The following DPYD variants were observed in gnomAD, a reference collection of about 807,000 sequenced individuals.
The protein encoded by DPYD is dihydropyrimidine dehydrogenase [NADP(+)].
DPYD carries 109 observed loss-of-function variants against 116.2 expected under a neutral mutation model. That is an observed-to-expected ratio of 0.94 (90% confidence interval 0.80 to 1.10). The LOEUF (loss-of-function observed/expected upper bound fraction) is 1.10, where lower values mean the gene tolerates loss of function less well. Ranked by LOEUF, DPYD falls within the 50% of genes least tolerant of loss-of-function variation. DPYD has a pLI of 0.00. For missense variants in DPYD, 1,302 were observed against 1,254.5 expected, an observed-to-expected ratio of 1.04 and a Z score of -0.57; for synonymous variants, 440 against 432.0, an observed-to-expected ratio of 1.02 and a Z score of -0.23.
intron 13 of DPYD, among the ~76,000 whole-genome samples, chr1:97,500,092 T>C (rs1204726539): frequency 2.0e-5 from 3 of 151,996 alleles, no homozygotes; most frequent in Non-Finnish European, 4.4e-5. Flanking sequence ...CATAGGTGAC[T>C]TATTGAAATG....
At chr1:97,893,787 G>T (rs996448920) in intron 1 of DPYD, among the ~76,000 whole-genome samples, 1 of 151,422 alleles carries the variant, frequency 6.6e-6, no homozygotes, top group Non-Finnish European at 1.5e-5. Context: ...GAAGCTCTTC[G>T]TCTGTCTTTG....
At position 97,184,224 on chromosome 1, in the gene DPYD, C is replaced by T. The variant is rs183551645; in HGVS notation, c.2622+8845G>A. On this transcript the variant is annotated intron_variant, in intron 20 of 22. Transcript: ENST00000370192. Reference sequence around the variant, plus strand: ...CTATTGTGAATAGTGCTGCAATAAACATATGTGTTCATGTGTCTTCATGGT... The same window carrying T: ...CTATTGTGAATAGTGCTGCAATAAATATATGTGTTCATGTGTCTTCATGGT... 1.3e-4 allele frequency among the ~76,000 whole-genome samples: 20 copies of T among 152,230 alleles called. No homozygotes were observed. In the East Asian group the frequency reaches 3.7e-3, roughly 28 times the overall value.
intron 3 of DPYD, among the ~76,000 whole-genome samples, chr1:97,750,787 G>C (rs1457643900): frequency 1.3e-5 from 2 of 152,170 alleles, no homozygotes; most frequent in Admixed American, 6.5e-5. Context: ...AACAAGGATT[G>C]AAAGTGTAGT....
chr1:97,459,582 C>T (rs1234198846), intron 13 of DPYD, among the ~76,000 whole-genome samples: 1 of 152,042 alleles, frequency 6.6e-6, no homozygotes, highest in Admixed American at 6.6e-5. Flanking sequence ...CACTTCTTGG[C>T]AGTACCAATG....
At chr1:97,237,374 GTC>G (rs1462067378) in intron 18 of DPYD, among the ~76,000 whole-genome samples, 1 of 150,764 alleles carries the variant, frequency 6.6e-6, no homozygotes, top group African/African-American at 2.4e-5. Context: ...TTGTGGAAAT[GTC>G]TACTTGTGGC....
intron 4 of DPYD, among the ~76,000 whole-genome samples, chr1:97,722,758 T>A (rs2101028739): frequency 6.6e-6 from 1 of 151,636 alleles, no homozygotes; most frequent in Admixed American, 6.6e-5. Flanking sequence ...ATTTACTATT[T>A]ATTGACTCTT....
chr1:97,183,359 C>A (rs934204036), intron 20 of DPYD, among the ~76,000 whole-genome samples: 1 of 151,938 alleles, frequency 6.6e-6, no homozygotes, highest in African/African-American at 2.4e-5. Context: ...GTTGAAAGGG[C>A]TTTCTTTTCT....
At chr1:97,764,753 A>G (rs1475594105) in intron 3 of DPYD, among the ~76,000 whole-genome samples, 2 of 152,102 alleles carry the variant, frequency 1.3e-5, no homozygotes, top group Non-Finnish European at 2.9e-5. Context: ...TATTTTACGT[A>G]CCATATTTGT....
At chr1:97,287,291 T>G (rs61786318) in intron 18 of DPYD, among the ~76,000 whole-genome samples, 37,547 of 152,100 alleles carry the variant, frequency 0.25, 5,539 homozygotes, top group Admixed American at 0.39. Flanking sequence ...CTGGAAGTTC[T>G]GTCTCAGAGG....
At chr1:97,150,610 C>T (rs1363908951) in intron 20 of DPYD, among the ~76,000 whole-genome samples, 1 of 152,192 alleles carries the variant, frequency 6.6e-6, no homozygotes, top group African/African-American at 2.4e-5. Flanking sequence ...CTCAGATATA[C>T]TGTATATATG....
chr1:97,371,865 G>A lies in DPYD; in HGVS notation c.2058+1696C>T, dbSNP rs190580541. On this transcript the variant is annotated intron_variant, in intron 16 of 22. Transcript: ENST00000370192. ...TGGAAATGTTCCTAAATTTTTTTCAGCCAAGATATCATGGTTTTTGGAACA... is the reference window on the plus strand; with the variant it reads ...TGGAAATGTTCCTAAATTTTTTTCAACCAAGATATCATGGTTTTTGGAACA... Among the ~76,000 whole-genome samples, 125 of 152,178 alleles carry A rather than the reference G, an allele frequency of 8.2e-4. 1 individual carries two copies. The highest frequency in any genetic ancestry group is 1.8e-4 in the Non-Finnish European group (12 of 67,990).
intron 4 of DPYD, among the ~76,000 whole-genome samples, chr1:97,727,434 TATTTA>T (rs1252631568): frequency 6.6e-6 from 1 of 151,818 alleles, no homozygotes; most frequent in Non-Finnish European, 1.5e-5. Flanking sequence ...GAGGGATTAC[TATTTA>T]ATTAAAGCTT....
intron 3 of DPYD, among the ~76,000 whole-genome samples, chr1:97,761,239 A>G (rs1278463805): frequency 1.3e-5 from 2 of 152,134 alleles, no homozygotes; most frequent in African/African-American, 4.8e-5. Context: ...TTCTAAAATG[A>G]TACAAGGAAA....
chr1:97,719,222 G>A (rs939686341), intron 5 of DPYD, among the ~76,000 whole-genome samples: 40 of 145,848 alleles, frequency 2.7e-4, no homozygotes, highest in Non-Finnish European at 5.2e-4. Flanking sequence ...ATAAGGCTAT[G>A]CATCATGTGA....
chr1:97,869,975 G>A (rs1671577524), intron 2 of DPYD, among the ~76,000 whole-genome samples: 1 of 151,698 alleles, frequency 6.6e-6, no homozygotes. Context: ...CCCAGCCACT[G>A]AACATAAGAG....
In DPYD at chr1:97,546,764, C is replaced by A. The variant is rs768995049; in HGVS notation, c.1524+2796G>T. 1.5e-5 allele frequency: 24 copies of A among 1,613,018 alleles called. No individual in the cohort carries two copies. The South Asian group carries it at 2.5e-4, about 17-fold the overall frequency. On this transcript the variant is annotated intron_variant, in intron 12 of 22. Coordinates refer to ENST00000370192, the MANE Select transcript of DPYD (RefSeq NM_000110.4). ...GGCAAGCCTGGAAATTATCAGTATA[C>A]TGTGTTTCTGAGATCAGACTCCTAT...
At chr1:97,538,651 A>G (rs961510819) in intron 12 of DPYD, among the ~76,000 whole-genome samples, 1 of 152,234 alleles carries the variant, frequency 6.6e-6, no homozygotes, top group African/African-American at 2.4e-5. Flanking sequence ...TACTACATGT[A>G]CCTGAGTAGA....
chr1:97,387,601 A>G (rs763344741), intron 14 of DPYD, among the ~76,000 whole-genome samples: 1 of 152,150 alleles, frequency 6.6e-6, no homozygotes, highest in Non-Finnish European at 1.5e-5. Context: ...ACCAGAATAC[A>G]TAAATGCATG....
chr1:97,377,608 C>T (rs1470248097), intron 15 of DPYD, among the ~76,000 whole-genome samples: 1 of 152,192 alleles, frequency 6.6e-6, no homozygotes, highest in Non-Finnish European at 1.5e-5. Flanking sequence ...TAAAAACACC[C>T]AGAGAAACTA....
Sources: gnomAD v4.1 joint callset for allele counts (sites outside exome capture counted in the v4.1 genomes callset) on GRCh38, gnomAD v4.1.1 for gene constraint, MANE v1.5 for transcripts, NCBI Gene and HGNC (gene_info 2026-07-23, HGNC 2026-07-21) for gene names.